OSBPL6: variants seen among roughly 807,000 people sequenced by gnomAD.
OSBPL6 encodes the protein oxysterol-binding protein-related protein 6.
Under a neutral mutation model 125.8 loss-of-function variants are expected in OSBPL6, and 49 were observed. That is an observed-to-expected ratio of 0.39 (90% confidence interval 0.31 to 0.49). OSBPL6 has a LOEUF of 0.49. Among genes scored for constraint, OSBPL6 ranks in the 20% least tolerant of loss-of-function variants. OSBPL6 has a pLI of 0.88. For synonymous variants in OSBPL6, 394 were observed against 391.8 expected (o/e 1.01, Z -0.07); for missense variants, 986 against 1,135.4 (o/e 0.87, Z 1.89).
chr2:178,361,371 G>A (rs1692339474), intron 12 of OSBPL6, among the ~76,000 whole-genome samples: 1 of 152,178 alleles, frequency 6.6e-6, no homozygotes, highest in African/African-American at 2.4e-5. Flanking sequence ...TCTTTCTAGG[G>A]ATTATAAGTT....
intron 9 of OSBPL6, among the ~76,000 whole-genome samples, chr2:178,337,630 G>A (rs1288622957): frequency 6.6e-6 from 1 of 152,200 alleles, no homozygotes; most frequent in Admixed American, 6.5e-5. Flanking sequence ...TCAGTAAGCA[G>A]GTAGGAGAGC....
chr2:178,372,365 A>T, intron 14 of OSBPL6, 132 bp downstream of exon 14: 1 of 588,748 alleles, frequency 1.7e-6, no homozygotes. Flanking sequence ...TGTCACTGAC[A>T]GTTCAGTGTT....
chr2:178,337,955 T>G (rs1282564152), intron 9 of OSBPL6, among the ~76,000 whole-genome samples: 5 of 151,068 alleles, frequency 3.3e-5, no homozygotes, highest in African/African-American at 1.2e-4. Flanking sequence ...TTCTCTTTTT[T>G]TTTTGAGACG....
At chr2:178,348,319 C>T (rs952571325) in intron 11 of OSBPL6, among the ~76,000 whole-genome samples, 6 of 152,250 alleles carry the variant, frequency 3.9e-5, no homozygotes, top group Middle Eastern at 3.4e-3. Flanking sequence ...ATTGAATGCA[C>T]GTCTTTGCAG....
At chr2:178,315,709 G>T (rs1324066914) in intron 3 of OSBPL6, among the ~76,000 whole-genome samples, 1 of 152,136 alleles carries the variant, frequency 6.6e-6, no homozygotes, top group Non-Finnish European at 1.5e-5. Context: ...GATTAGCACT[G>T]CCTGTTCGGT....
intron 3 of OSBPL6, chr2:178,320,124 TC>T: frequency 1.3e-6 from 1 of 757,856 alleles, no homozygotes; most frequent in Non-Finnish European, 2.0e-6. Flanking sequence ...ATTTTGAGAA[TC>T]ACGTTTCTCT....
chr2:178,230,981 A>C (rs1053435093), intron 1 of OSBPL6, among the ~76,000 whole-genome samples: 1 of 152,194 alleles, frequency 6.6e-6, no homozygotes, highest in African/African-American at 2.4e-5. Flanking sequence ...TTTGGGGTAG[A>C]TACCTGGGGT....
intron 3 of OSBPL6, among the ~76,000 whole-genome samples, chr2:178,309,853 A>G (rs148859988): frequency 1.3e-3 from 204 of 152,334 alleles, no homozygotes; most frequent in Non-Finnish European, 1.3e-3. Context: ...GGACTTACCA[A>G]TAAACCAGCA....
intron 1 of OSBPL6, among the ~76,000 whole-genome samples, chr2:178,220,687 C>T (rs534317660): frequency 2.6e-5 from 4 of 152,196 alleles, no homozygotes; most frequent in East Asian, 1.9e-4. Flanking sequence ...TATTCAATTT[C>T]GTAGGGAAAA....
chr2:178,374,123 A>G, intron 15 of OSBPL6, 96 bp downstream of exon 15: 1 of 1,416,542 alleles, frequency 7.1e-7, no homozygotes, highest in Non-Finnish European at 9.6e-7. Context: ...GATTACTTTC[A>G]TTTGTTTTTT....
In OSBPL6 at chr2:178,396,536, A is replaced by G. The variant is rs898796212; in HGVS notation, c.*977A>G. On this transcript the variant is annotated 3_prime_UTR_variant, in exon 25 of 25. Transcript: ENST00000190611. ...ATTCCTGTGTGGGCTTAGTAGTACT[A>G]TAAATGTAATTGTTTTTGAGTGAAG... The G allele has an allele frequency of 4.6e-5, 7 of 152,250 alleles. No homozygotes were observed. Among genetic ancestry groups the G allele is most frequent in the Non-Finnish European group, 8.8e-5 (6 of 68,040 alleles). 9.4% of individuals were successfully genotyped at this position (152,250 alleles called of 1,614,324 possible). A position where few individuals can be genotyped will look rare whatever the true frequency, so the allele number is the denominator to read the frequency against.
chr2:178,352,369 G>A (rs1012630035), intron 12 of OSBPL6, among the ~76,000 whole-genome samples: 11 of 152,178 alleles, frequency 7.2e-5, no homozygotes, highest in African/African-American at 1.2e-4. Flanking sequence ...CTGGAAAAAC[G>A]GGACACTTCC....
intron 1 of OSBPL6, among the ~76,000 whole-genome samples, chr2:178,283,935 C>T (rs976539410): frequency 2.6e-5 from 4 of 152,092 alleles, no homozygotes; most frequent in Non-Finnish European, 5.9e-5. Flanking sequence ...ATGTGGGATC[C>T]GCTCCTGTGA....
intron 2 of OSBPL6, among the ~76,000 whole-genome samples, chr2:178,304,711 GTGCACA>G (rs1686604846): frequency 2.0e-5 from 3 of 152,072 alleles, no homozygotes; most frequent in Non-Finnish European, 4.4e-5. Context: ...ATGAATTTTG[GTGCACA>G]TATTCAGACC....
intron 11 of OSBPL6, among the ~76,000 whole-genome samples, chr2:178,344,665 TTG>T (rs1491509038): frequency 1.1e-5 from 1 of 92,738 alleles, no homozygotes; most frequent in African/African-American, 3.0e-5. Context: ...TTAAATTATA[TTG>T]TTTTTTTTTC....
Position 178,397,453 on chromosome 2 carries a change from C to G in OSBPL6, c.*1894C>G, listed in dbSNP as rs1369113590. 1 of 152,182 alleles carries G rather than the reference C, an allele frequency of 6.6e-6. No homozygotes were observed. The highest frequency in any genetic ancestry group is 2.4e-5 in the African/African-American group (1 of 41,436). The allele number at this position is 152,182 out of a possible 1,614,324, so 9.4% of individuals were successfully genotyped here. A position where few individuals can be genotyped will look rare whatever the true frequency, so the allele number is the denominator to read the frequency against. ...ATTGATTCTTTTTCTGCTCATTCAT[C>G]TTGATGTTCTTTTTCTGCATCCTGA... On this transcript the variant is annotated 3_prime_UTR_variant, in exon 25 of 25. Transcript: ENST00000190611.
At chr2:178,320,531 T>C in intron 3 of OSBPL6, 1 of 920,182 alleles carries the variant, frequency 1.1e-6, no homozygotes, top group Non-Finnish European at 1.7e-6. Context: ...ACATAACCCT[T>C]TATTTAACTT....
intron 2 of OSBPL6, among the ~76,000 whole-genome samples, chr2:178,291,333 T>C (rs1423884102): frequency 1.3e-5 from 2 of 152,158 alleles, no homozygotes; most frequent in African/African-American, 2.4e-5. Context: ...GTGGGATGAT[T>C]GTACATTTTG....
chr2:178,372,129 C>T lies in OSBPL6; in HGVS notation c.1291C>T (p.Leu431Phe). 6.2e-7 allele frequency: 1 copy of T among 1,609,690 alleles called. No individual in the cohort carries two copies. Among genetic ancestry groups the T allele is most frequent in the Non-Finnish European group, 8.5e-7 (1 of 1,177,784 alleles). Residue 431 changes from leucine to phenylalanine, a missense_variant, in exon 14 of 25, where the codon CTC becomes TTC. Around this residue, in one of 3 missense-constraint regions of OSBPL6, gnomAD observed 843 missense variants for 997.3 expected, o/e 0.85. Coordinates refer to ENST00000190611, the MANE Select transcript of OSBPL6 (RefSeq NM_032523.4). ...ATGTGGTTTTTGTTATTTTAAGGCA[C>T]TCAACCAGAATGCTGAACTAAGGAG... Reference protein sequence around the residue: ...ARLRQSLSQALNQNAELRSRL... With the variant: ...ARLRQSLSQAFNQNAELRSRL...
Sources: gnomAD v4.1 joint callset for allele counts (sites outside exome capture counted in the v4.1 genomes callset) on GRCh38, gnomAD v4.1.1 for gene constraint, gnomAD v4.1.1 regional missense constraint, MANE v1.5 for transcripts, NCBI Gene and HGNC (gene_info 2026-07-23, HGNC 2026-07-21) for gene names.